Variants in DYRK3 observed in about 807,000 individuals in gnomAD.
DYRK3 encodes dual specificity tyrosine-phosphorylation-regulated kinase 3.
A neutral mutation model predicts 40.8 loss-of-function variants in DYRK3; 30 were observed. The observed-to-expected ratio is 0.74, with a 90% CI of 0.55 to 1.00. The LOEUF is 1.00. DYRK3 is among the 50% of genes least tolerant of loss of function. The pLI is 0.00. For missense variants in DYRK3, 699 were observed against 731.5 expected (o/e 0.96, Z 0.51); for synonymous variants, 272 against 260.7 (o/e 1.04, Z -0.42).
rs548948500 is a variant in DYRK3 at position 206,648,326 on chromosome 1, A to G, written c.1128A>G (p.Arg376=). The G allele has an allele frequency of 6.2e-7, 1 of 1,614,136 alleles. No individual in the cohort carries two copies. Among genetic ancestry groups the G allele is most frequent in the African/African-American group, 1.3e-5 (1 of 75,006 alleles). The change falls in exon 3 of 3, where the codon AGA becomes AGG. Residue 376 remains arginine, a synonymous_variant. Coordinates refer to ENST00000367109, the MANE Select transcript of DYRK3 (RefSeq NM_003582.4). Reference sequence around the variant, plus strand: ...CATATATCCAGTCTCGGTTCTACAGAGCTCCAGAAATCATCTTAGGAAGCC... The same window carrying G: ...CATATATCCAGTCTCGGTTCTACAGGGCTCCAGAAATCATCTTAGGAAGCC... ...LYTYIQSRFY[R]APEIILGSRY...
intron 2 of DYRK3, among the ~76,000 whole-genome samples, chr1:206,644,966 G>T (rs1296291362): frequency 6.6e-6 from 1 of 152,152 alleles, no homozygotes; most frequent in Non-Finnish European, 1.5e-5. Flanking sequence ...TAAATGCCAA[G>T]CTGTGGCTAC....
chr1:206,636,605 A>G (rs782125793), intron 1 of DYRK3, among the ~76,000 whole-genome samples: 1 of 152,168 alleles, frequency 6.6e-6, no homozygotes, highest in Non-Finnish European at 1.5e-5. Flanking sequence ...ATATTTTTAT[A>G]ACACATCTAT....
rs1371971721 is a variant in DYRK3 at position 206,649,800 on chromosome 1, G to A, written c.*835G>A. Among the ~76,000 whole-genome samples the A allele has an allele frequency of 2.0e-5, 3 of 152,146 alleles. No individual in the cohort carries two copies. Among genetic ancestry groups the A allele is most frequent in the African/African-American group, 7.2e-5 (3 of 41,438 alleles). On this transcript the variant is annotated 3_prime_UTR_variant, in exon 3 of 3. Coordinates refer to ENST00000367109, the MANE Select transcript of DYRK3 (RefSeq NM_003582.4). ...GTTCCCCAGCTTTGTGGTACTCCAC[G>A]GACCAGCCTCCTTGCTGCATTTTCA...
chr1:206,636,097 CT>C, intron 1 of DYRK3: 1 of 1,468,568 alleles, frequency 6.8e-7, no homozygotes, highest in Non-Finnish European at 9.2e-7. Flanking sequence ...TTTTGTGGGG[CT>C]TTTTATTAAA....
At chr1:206,635,859 A>G in intron 1 of DYRK3, 79 bp downstream of exon 1, 9 of 1,240,716 alleles carry the variant, frequency 7.3e-6, no homozygotes, top group Non-Finnish European at 7.1e-6. Flanking sequence ...GGGGGTGGGG[A>G]GGAGGTAGAG....
At chr1:206,636,964 G>A in intron 1 of DYRK3, 1 of 1,605,324 alleles carries the variant, frequency 6.2e-7, no homozygotes, top group South Asian at 1.1e-5. Context: ...GAAGTGGAAA[G>A]AGAAGTAAAT....
At chr1:206,640,397 C>T (rs2102333299) in intron 2 of DYRK3, among the ~76,000 whole-genome samples, 1 of 152,204 alleles carries the variant, frequency 6.6e-6, no homozygotes, top group South Asian at 2.1e-4. Flanking sequence ...CCTACATTCT[C>T]ATGGTAAACT....
rs149899872 is a variant in DYRK3, at chr1:206,641,608, A to G, written c.189+3847A>G. 4.4e-3 allele frequency among the ~76,000 whole-genome samples: 659 copies of G among 150,592 alleles called. 35 individuals carry two copies. The highest frequency in any genetic ancestry group is 0.041 in the Admixed American group (617 of 15,114). ...TTATTTATAACACATCAGACTTGAT[A>G]TGTAATTGATTCAGGCCAGTATTTG... On this transcript the variant is annotated intron_variant, in intron 2 of 2. Coordinates refer to ENST00000367109, the MANE Select transcript of DYRK3 (RefSeq NM_003582.4).
In DYRK3 at chr1:206,635,569, G is replaced by T. The variant is rs201554456; in HGVS notation, c.-135G>T. 4.7e-5 allele frequency: 53 copies of T among 1,128,580 alleles called. No homozygotes were observed. In the African/African-American group the frequency reaches 5.1e-4, roughly 11 times the overall value. 69.9% of individuals were successfully genotyped at this position (1,128,580 alleles called of 1,614,324 possible). A position where few individuals can be genotyped will look rare whatever the true frequency, so the allele number is the denominator to read the frequency against. Reference sequence around the variant, plus strand: ...GCCGGGGCCAGTCGGGAGCGAAAGTGCGCTGAGCTGCAGTGTCTGGTCGAG... The same window carrying T: ...GCCGGGGCCAGTCGGGAGCGAAAGTTCGCTGAGCTGCAGTGTCTGGTCGAG... On this transcript the variant is annotated 5_prime_UTR_variant, in exon 1 of 3. Transcript: ENST00000367109.
At position 206,652,436 on chromosome 1, in the gene DYRK3, G is replaced by A. The variant is rs80271495; in HGVS notation, c.*3471G>A. Among the ~76,000 whole-genome samples the A allele has an allele frequency of 0.038, 5,803 of 152,198 alleles. 267 individuals are homozygous for A. Among genetic ancestry groups the A allele is most frequent in the East Asian group, 0.15 (779 of 5,178 alleles). On this transcript the variant is annotated 3_prime_UTR_variant, in exon 3 of 3. Transcript: ENST00000367109. ...GGTGCGTGCTCTATTTCTGTGTATCGAATGGACTACAAGGTTACTGAAACT... is the reference window on the plus strand; with the variant it reads ...GGTGCGTGCTCTATTTCTGTGTATCAAATGGACTACAAGGTTACTGAAACT...
chr1:206,644,479 C>T (rs1161221107), intron 2 of DYRK3, among the ~76,000 whole-genome samples: 1 of 152,098 alleles, frequency 6.6e-6, no homozygotes, highest in Non-Finnish European at 1.5e-5. Context: ...GGAAAACTAG[C>T]CAAGATGCTT....
chr1:206,643,207 C>G (rs1671339802), intron 2 of DYRK3, among the ~76,000 whole-genome samples: 1 of 151,958 alleles, frequency 6.6e-6, no homozygotes, highest in Non-Finnish European at 1.5e-5. Context: ...TTTTAGGTAC[C>G]CAGAGGGTTC....
rs1671500810 is a variant in DYRK3, at chr1:206,647,812, T to C, written c.614T>C (p.Leu205Pro). The change falls in exon 3 of 3, where the codon CTA becomes CCA. Residue 205 changes from leucine to proline, a missense_variant. Leu to Pro is a moderately conservative substitution (Grantham distance 98). Coordinates refer to ENST00000367109, the MANE Select transcript of DYRK3 (RefSeq NM_003582.4). ...GAYIHVPRDH[L>P]AYRYEVLKII... is the part of the protein sequence containing the mutation. ...TATATTCATGTACCTCGAGACCATC[T>C]AGCTTATCGATATGAGGTGCTGAAA... is the stretch of plus-strand genomic sequence containing the variant. 2 of 1,614,172 alleles carry C rather than the reference T, an allele frequency of 1.2e-6. No homozygotes were observed. The highest frequency in any genetic ancestry group is 8.5e-7 in the Non-Finnish European group (1 of 1,180,032).
At position 206,648,645 on chromosome 1, in the gene DYRK3, T is replaced by C. The variant is rs782517154; in HGVS notation, c.1447T>C (p.Trp483Arg). 1.9e-6 allele frequency: 3 copies of C among 1,613,828 alleles called. No individual in the cohort carries two copies. The highest frequency in any genetic ancestry group is 2.5e-6 in the Non-Finnish European group (3 of 1,179,832). ...GCGGGGTCCCCCAGGCAGCAAAGAC[T>C]GGGGGACAGCACTGAAAGGGTGTGA... ...KKRGPPGSKD[W>R]GTALKGCDDY... Residue 483 changes from tryptophan to arginine, a missense_variant, in exon 3 of 3, where the codon TGG becomes CGG. By Grantham distance (101) the Trp-to-Arg change is moderately radical (BLOSUM62 -3). Transcript: ENST00000367109.
At chr1:206,641,844 A>T (rs557406617) in intron 2 of DYRK3, among the ~76,000 whole-genome samples, 1 of 150,708 alleles carries the variant, frequency 6.6e-6, no homozygotes, top group South Asian at 2.1e-4. Flanking sequence ...AACCTAGGCA[A>T]TACCATTCAG....
intron 2 of DYRK3, among the ~76,000 whole-genome samples, chr1:206,641,312 T>C (rs1388951074): frequency 6.6e-6 from 1 of 152,154 alleles, no homozygotes; most frequent in Non-Finnish European, 1.5e-5. Flanking sequence ...TGCTCCCACT[T>C]ATGAATGAGA....
chr1:206,638,126 T>C (rs114533019), intron 2 of DYRK3, among the ~76,000 whole-genome samples: 2,005 of 152,306 alleles, frequency 0.013, 49 homozygotes, highest in African/African-American at 0.046. Context: ...TTCATAGATC[T>C]GCAGGAGTTT....
intron 2 of DYRK3, among the ~76,000 whole-genome samples, chr1:206,638,731 A>G (rs1338277495): frequency 6.6e-6 from 1 of 152,098 alleles, no homozygotes; most frequent in Admixed American, 6.6e-5. Context: ...AACAAACTGA[A>G]TAATTGAATT....
chr1:206,636,914 T>C, intron 1 of DYRK3: 1 of 1,613,524 alleles, frequency 6.2e-7, no homozygotes, highest in Non-Finnish European at 8.5e-7. Context: ...AAGTGATCCT[T>C]AATCATTTAG....
Sources: gnomAD v4.1 joint callset for allele counts (sites outside exome capture counted in the v4.1 genomes callset) on GRCh38, gnomAD v4.1.1 for gene constraint, MANE v1.5 for transcripts, NCBI Gene and HGNC (gene_info 2026-07-23, HGNC 2026-07-21) for gene names.